The following IL11RA variants were observed in gnomAD, a reference collection of about 807,000 sequenced individuals.
The protein encoded by IL11RA is interleukin-11 receptor subunit alpha.
Under a neutral mutation model 57.0 loss-of-function variants are expected in IL11RA, and 51 were observed. The ratio of observed to expected loss-of-function variants is 0.89; its 90% confidence interval spans 0.71 to 1.13. IL11RA has a LOEUF of 1.13. Ranked by LOEUF, IL11RA falls within the 50% of genes most tolerant of loss-of-function variation. The pLI is 0.00. For missense variants in IL11RA, 498 were observed against 539.4 expected (o/e 0.92, Z 0.76); for synonymous variants, 199 against 217.5 (o/e 0.91, Z 0.75).
rs771261735 is a variant in IL11RA, at chr9:34,660,352, C to T, written c.1031C>T (p.Ala344Val). ...PEVEPQVDSP[A>V]PPRPSLQPHP... ...GTGGAGCCTCAGGTGGACAGCCCTG[C>T]TCCTCCAAGGCCCTCCCTCCAACCA... Residue 344 changes from alanine to valine, a missense_variant, in exon 10 of 13, where the codon GCT (alanine) becomes GTT (valine). By Grantham distance (64) the Ala-to-Val change is moderately conservative. Transcript: ENST00000441545. 6.2e-7 allele frequency: 1 copy of T among 1,614,252 alleles called. No homozygotes were observed. Among genetic ancestry groups the T allele is most frequent in the East Asian group, 2.2e-5 (1 of 44,888 alleles).
intron 6 of IL11RA, 34 bp downstream of exon 6, chr9:34,657,369 TG>T: frequency 6.2e-7 from 1 of 1,614,146 alleles, no homozygotes; most frequent in Non-Finnish European, 8.5e-7. Flanking sequence ...GGGCTCCAGC[TG>T]GGTCCCACAG....
In IL11RA at chr9:34,655,710, CT is replaced by C. The variant is rs1302992688; in HGVS notation, c.161+47del. On this transcript the variant is annotated intron_variant, in intron 3 of 12. Coordinates refer to ENST00000441545, the MANE Select transcript of IL11RA (RefSeq NM_001142784.3). Reference sequence around the variant, plus strand: ...GTTGGTCTGACACTCATGACCCTTTCTTGACTCTGCCTAGTCCTCATGTCCC... The same window carrying C: ...GTTGGTCTGACACTCATGACCCTTTCTGACTCTGCCTAGTCCTCATGTCCC... 1.9e-6 allele frequency: 3 copies of C among 1,552,436 alleles called. No individual in the cohort carries two copies. In the African/African-American group the frequency reaches 4.1e-5, roughly 21 times the overall value.
intron 1 of IL11RA, chr9:34,654,996 T>G: frequency 8.4e-6 from 2 of 236,988 alleles, no homozygotes; most frequent in Non-Finnish European, 1.6e-5. Flanking sequence ...TGTGTGTCCG[T>G]GTGTGTGTGT....
intron 1 of IL11RA, among the ~76,000 whole-genome samples, chr9:34,654,549 C>A (rs1426340379): frequency 6.6e-6 from 1 of 152,154 alleles, no homozygotes. Flanking sequence ...ACAGCCCCAG[C>A]CTGCACCCTA....
chr9:34,661,644 A>G lies in IL11RA; in HGVS notation c.*146A>G, dbSNP rs1564106436. The G allele has an allele frequency of 6.5e-6, 6 of 929,948 alleles. No individual in the cohort carries two copies. The highest frequency in any genetic ancestry group is 2.5e-5 in the East Asian group (1 of 39,936). 57.6% of individuals were successfully genotyped at this position (929,948 alleles called of 1,614,324 possible). A position where few individuals can be genotyped will look rare whatever the true frequency, so the allele number is the denominator to read the frequency against. Reference sequence around the variant, plus strand: ...CATTTCTGTGAGACCCTGTATTTCAAATTTGCAGCTGAAAGGTGCTTGTAC... The same window carrying G: ...CATTTCTGTGAGACCCTGTATTTCAGATTTGCAGCTGAAAGGTGCTTGTAC... On this transcript the variant is annotated 3_prime_UTR_variant, in exon 13 of 13. Coordinates refer to ENST00000441545, the MANE Select transcript of IL11RA (RefSeq NM_001142784.3).
Position 34,660,924 on chromosome 9 carries a change from G to A in IL11RA, c.1240G>A (p.Asp414Asn). 1 of 1,613,770 alleles carries A rather than the reference G, an allele frequency of 6.2e-7. No individual in the cohort carries two copies. Among genetic ancestry groups the A allele is most frequent in the Non-Finnish European group, 8.5e-7 (1 of 1,179,706 alleles). The change falls in exon 12 of 13, where the codon GAC (aspartate) becomes AAC (asparagine). Residue 414 changes from aspartate to asparagine, a missense_variant. Coordinates refer to ENST00000441545, the MANE Select transcript of IL11RA (RefSeq NM_001142784.3). The part of the protein sequence containing the change: ...PGFLASVIPV[D>N]RRPGAPNL ...GTTCTTGGCCTCAGTGATTCCAGTG[G>A]ACAGGCGTCCAGGTGAGTAGGACAT... is the stretch of plus-strand genomic sequence containing the variant.
chr9:34,658,546 C>T lies in IL11RA; in HGVS notation c.673C>T (p.Arg225Trp), dbSNP rs538108515. The T allele has an allele frequency of 1.6e-5, 26 of 1,614,130 alleles. No individual in the cohort carries two copies. Among genetic ancestry groups the T allele is most frequent in the South Asian group, 6.6e-5 (6 of 91,088 alleles). The change falls in exon 8 of 13, where the codon CGG becomes TGG. Residue 225 changes from arginine (R) to tryptophan (W), a missense_variant. Arg to Trp is a moderately radical substitution (Grantham distance 101). Coordinates refer to ENST00000441545, the MANE Select transcript of IL11RA (RefSeq NM_001142784.3). The surrounding 1 kb of genome is among the most constrained non-coding windows in gnomAD (Gnocchi z 4.0). ...GCGCCCTGACCCACCCCAGGGCCTGCGGGTAGAGTCAGTACCAGGTTACCC... is the reference window on the plus strand; with the variant it reads ...GCGCCCTGACCCACCCCAGGGCCTGTGGGTAGAGTCAGTACCAGGTTACCC... ...ILRPDPPQGL[R>W]VESVPGYPRR...
Position 34,657,605 on chromosome 9 carries a change from A to T in IL11RA, c.646+18A>T. Reference sequence around the variant, plus strand: ...GAGCATCTGTGAGTACCCACCCCAGACCTCCCCCAGACCCCCATCACAGAG... The same window carrying T: ...GAGCATCTGTGAGTACCCACCCCAGTCCTCCCCCAGACCCCCATCACAGAG... On this transcript the variant is annotated intron_variant, in intron 7 of 12. Transcript: ENST00000441545. 6.2e-7 allele frequency: 1 copy of T among 1,610,950 alleles called. No homozygotes were observed. The highest frequency in any genetic ancestry group is 1.1e-5 in the South Asian group (1 of 90,856).
At position 34,657,090 on chromosome 9, in the gene IL11RA, T is replaced by C. The variant is rs1234389096; in HGVS notation, c.387T>C (p.Ser129=). The C allele has an allele frequency of 6.2e-7, 1 of 1,614,136 alleles. No individual in the cohort carries two copies. Among genetic ancestry groups the C allele is most frequent in the Admixed American group, 1.7e-5 (1 of 60,026 alleles). Residue 129 remains serine (S), a synonymous_variant, in exon 5 of 13, where the codon TCT becomes TCC. Coordinates refer to ENST00000441545, the MANE Select transcript of IL11RA (RefSeq NM_001142784.3). ...AAGCAGCCGACTATGAGAACTTCTC[T>C]TGCACTTGGAGTCCCAGCCAGATCA... ...SCQAADYENF[S]CTWSPSQISG...
chr9:34,654,770 A>G (rs1821309642), intron 1 of IL11RA, among the ~76,000 whole-genome samples: 1 of 152,278 alleles, frequency 6.6e-6, no homozygotes, highest in Non-Finnish European at 1.5e-5. Flanking sequence ...GGTTAATCAG[A>G]GGCAGTGATA....
Position 34,661,591 on chromosome 9 carries a change from A to C in IL11RA, c.*93A>C. The C allele has an allele frequency of 7.4e-7, 1 of 1,350,354 alleles. No homozygotes were observed. The highest frequency in any genetic ancestry group is 1.2e-5 in the South Asian group (1 of 85,742). The allele number at this position is 1,350,354 out of a possible 1,614,324, so 83.6% of individuals were successfully genotyped here. A position where few individuals can be genotyped will look rare whatever the true frequency, so the allele number is the denominator to read the frequency against. On this transcript the variant is annotated 3_prime_UTR_variant, in exon 13 of 13. Transcript: ENST00000441545. ...CAGGACAGTAGATCCCTATGGTTGG[A>C]TCTCAGCTGGAAGTTCTGTTTGGAG...
chr9:34,653,392 A>G lies in IL11RA; in HGVS notation c.-1+1159A>G, dbSNP rs993876090. Among the ~76,000 whole-genome samples the G allele has an allele frequency of 4.6e-5, 7 of 152,094 alleles. No homozygotes were observed. Among genetic ancestry groups the G allele is most frequent in the Non-Finnish European group, 8.8e-5 (6 of 67,996 alleles). ...ATTTCCTGGTGCTGGGGCCCAAAGAATGGAGGGGGAGGTGAGAAATGGCTG... is the reference window on the plus strand; with the variant it reads ...ATTTCCTGGTGCTGGGGCCCAAAGAGTGGAGGGGGAGGTGAGAAATGGCTG... On this transcript the variant is annotated intron_variant, in intron 1 of 12. Coordinates refer to ENST00000441545, the MANE Select transcript of IL11RA (RefSeq NM_001142784.3). This position sits in a 1 kb window ranked among gnomAD's most constrained non-coding sequence, Gnocchi z 4.5.
chr9:34,652,538 T>C (rs749651721), intron 1 of IL11RA, among the ~76,000 whole-genome samples: 35 of 152,078 alleles, frequency 2.3e-4, no homozygotes, highest in Non-Finnish European at 4.6e-4. Flanking sequence ...TGAGAGGGAC[T>C]GTGACCACAT....
intron 9 of IL11RA, 73 bp from the exon 10 acceptor site, chr9:34,660,195 AGGCCTT>A (rs1207630662): frequency 6.2e-6 from 10 of 1,606,030 alleles, no homozygotes; most frequent in Admixed American, 1.7e-5. Flanking sequence ...CTTCCAACCT[AGGCCTT>A]GGCCTTGAGC....
In IL11RA at chr9:34,660,621, C is replaced by T. The variant is rs772003368; in HGVS notation, c.1169+21C>T. 72 of 1,585,032 alleles carry T rather than the reference C, an allele frequency of 4.5e-5. No homozygotes were observed. The South Asian group carries it at 8.0e-4, about 18-fold the overall frequency. ...CTCTGGTAAGTGACTGCCATTGGTC[C>T]CTCAGCCTCTGATCCTCACACATGC... On this transcript the variant is annotated intron_variant, in intron 11 of 12. Coordinates refer to ENST00000441545, the MANE Select transcript of IL11RA (RefSeq NM_001142784.3).
intron 1 of IL11RA, among the ~76,000 whole-genome samples, chr9:34,654,714 C>T (rs562276428): frequency 4.6e-5 from 7 of 152,140 alleles, no homozygotes; most frequent in African/African-American, 1.4e-4. Flanking sequence ...AGGATGGGCT[C>T]AGATCCATGA....
At chr9:34,654,232 ATC>A (rs1232842294) in intron 1 of IL11RA, among the ~76,000 whole-genome samples, 4 of 151,152 alleles carry the variant, frequency 2.6e-5, no homozygotes, top group Non-Finnish European at 4.4e-5. Context: ...CTTGTCCAGA[ATC>A]TCTCTCTCCT....
intron 10 of IL11RA, 34 bp downstream of exon 10, chr9:34,660,427 G>A: frequency 1.9e-6 from 3 of 1,613,958 alleles, no homozygotes; most frequent in Non-Finnish European, 2.5e-6. Flanking sequence ...ACTTGTAAAG[G>A]ACTGAAAACC....
At chr9:34,660,455 C>G (rs1821432986) in intron 10 of IL11RA, 49 bp from the exon 11 acceptor site, 1 of 1,613,872 alleles carries the variant, frequency 6.2e-7, no homozygotes, top group Non-Finnish European at 8.5e-7. Flanking sequence ...AAAGGGGACA[C>G]CGAGCTTGGT....
Sources: gnomAD v4.1 joint callset for allele counts (sites outside exome capture counted in the v4.1 genomes callset) on GRCh38, gnomAD v4.1.1 for gene constraint, Gnocchi (gnomAD v3.1) non-coding constraint, MANE v1.5 for transcripts, NCBI Gene and HGNC (gene_info 2026-07-23, HGNC 2026-07-21) for gene names.